The following MACROD2 variants were observed in gnomAD, a reference collection of about 807,000 sequenced individuals.
MACROD2 encodes ADP-ribose glycohydrolase MACROD2.
Under a neutral mutation model 70.4 loss-of-function variants are expected in MACROD2, and 36 were observed. That is an observed-to-expected ratio of 0.51 (90% CI 0.39 to 0.68). MACROD2 has a LOEUF of 0.68. MACROD2 is among the 30% of genes least tolerant of loss of function. The pLI is 0.00. For synonymous variants in MACROD2, 172 were observed against 178.8 expected (o/e 0.96, Z 0.30); for missense variants, 496 against 538.4 (o/e 0.92, Z 0.78).
chr20:15,912,318 T>G (rs1375080366), intron 10 of MACROD2, among the ~76,000 whole-genome samples: 5 of 152,212 alleles, frequency 3.3e-5, no homozygotes, highest in Non-Finnish European at 7.3e-5. Context: ...CCCATTAAAT[T>G]AGGAAACGTT....
At chr20:14,470,771 C>T (rs1054872077) in intron 3 of MACROD2, among the ~76,000 whole-genome samples, 2 of 152,128 alleles carry the variant, frequency 1.3e-5, no homozygotes, top group Non-Finnish European at 2.9e-5. Context: ...GACGCCCCTT[C>T]CCCCACCAAG....
intron 5 of MACROD2, among the ~76,000 whole-genome samples, chr20:15,080,032 C>A (rs1324568050): frequency 6.6e-6 from 1 of 151,744 alleles, no homozygotes; most frequent in Non-Finnish European, 1.5e-5. Flanking sequence ...CTGGCCCTCA[C>A]TCACTTGATG....
chr20:14,806,778 G>T (rs1043764465), intron 5 of MACROD2, among the ~76,000 whole-genome samples: 1 of 152,084 alleles, frequency 6.6e-6, no homozygotes, highest in African/African-American at 2.4e-5. Flanking sequence ...CATTACTGAG[G>T]CTTGAGTAGG....
chr20:15,563,913 A>T (rs892971374), intron 8 of MACROD2, among the ~76,000 whole-genome samples: 3 of 152,170 alleles, frequency 2.0e-5, no homozygotes, highest in African/African-American at 7.2e-5. Flanking sequence ...GGAACAAAGG[A>T]TAGCATTTTT....
rs73099281 is a variant in MACROD2 at position 15,864,368 on chromosome 20, C to A, written c.727+1542C>A. The stretch of plus-strand genomic sequence containing the variant: ...ATGTGACTTGCCATGATGTGTGAAG[C>A]AAATATTCTCATGTCTTGTCAGTAT... On this transcript the variant is annotated intron_variant, in intron 9 of 17. Transcript: ENST00000684519. Among the ~76,000 whole-genome samples, 1,510 of 152,130 alleles carry A rather than the reference C, an allele frequency of 9.9e-3. 12 individuals are homozygous for A. Among genetic ancestry groups the A allele is most frequent in the Middle Eastern group, 0.024 (7 of 294 alleles).
At chr20:15,008,800 C>G (rs1389262468) in intron 5 of MACROD2, among the ~76,000 whole-genome samples, 2 of 152,034 alleles carry the variant, frequency 1.3e-5, no homozygotes. Flanking sequence ...TTTATTATCA[C>G]CTTATTAAAG....
At chr20:14,514,463 C>A (rs1458489150) in intron 4 of MACROD2, among the ~76,000 whole-genome samples, 1 of 152,074 alleles carries the variant, frequency 6.6e-6, no homozygotes, top group African/African-American at 2.4e-5. Context: ...GTCATCCTAG[C>A]CACAAGATCA....
chr20:13,995,695 C>G lies in MACROD2; in HGVS notation c.-69C>G, dbSNP rs374886421. Reference sequence around the variant, plus strand: ...AGTGCCCCCTCCCACCCCTCCCACTCCACACACACCCTGTTTGCCCGTGAG... The same window carrying G: ...AGTGCCCCCTCCCACCCCTCCCACTGCACACACACCCTGTTTGCCCGTGAG... On this transcript the variant is annotated 5_prime_UTR_variant, in exon 1 of 18. Transcript: ENST00000684519. The surrounding 1 kb of genome is among the most constrained non-coding windows in gnomAD (Gnocchi z 4.3). 5.2e-6 allele frequency: 5 copies of G among 956,956 alleles called. No homozygotes were observed. In the Admixed American group the frequency reaches 7.3e-5, roughly 14 times the overall value. The allele number at this position is 956,956 out of a possible 1,614,324, so 59.3% of individuals were successfully genotyped here.
chr20:15,318,523 A>G (rs1393162012), intron 6 of MACROD2, among the ~76,000 whole-genome samples: 1 of 152,152 alleles, frequency 6.6e-6, no homozygotes, highest in East Asian at 1.9e-4. Context: ...ACTAGAAATA[A>G]GAAAATTATG....
intron 4 of MACROD2, among the ~76,000 whole-genome samples, chr20:14,619,599 A>T: frequency 6.6e-6 from 1 of 151,916 alleles, no homozygotes; most frequent in Admixed American, 6.6e-5. Flanking sequence ...GAGTATAGAG[A>T]TAACTAGGCA....
At chr20:15,636,071 C>CAAAAAAAAAAAT (rs1178846767) in intron 8 of MACROD2, among the ~76,000 whole-genome samples, 1 of 27,970 alleles carries the variant, frequency 3.6e-5, no homozygotes, top group Admixed American at 4.2e-4. Flanking sequence ...GGCTCCCTCT[C>CAAAAAAAAAAAT]AAAAGAAAAA....
intron 8 of MACROD2, among the ~76,000 whole-genome samples, chr20:15,635,041 A>G (rs2049343270): frequency 6.6e-6 from 1 of 152,158 alleles, no homozygotes; most frequent in Non-Finnish European, 1.5e-5. Context: ...TGCAGCAGCT[A>G]TAGTTTTATG....
intron 5 of MACROD2, among the ~76,000 whole-genome samples, chr20:14,876,379 A>G (rs999650543): frequency 6.6e-6 from 1 of 152,074 alleles, no homozygotes; most frequent in African/African-American, 2.4e-5. Context: ...TTTTTGTTTA[A>G]TGCATACTTT....
intron 5 of MACROD2, chr20:14,894,756 A>G (rs961817581): frequency 4.6e-5 from 7 of 152,202 alleles, no homozygotes; most frequent in Non-Finnish European, 1.0e-4. Context: ...ATTAATTCAT[A>G]TTAACATTTT....
At chr20:14,869,284 C>A (rs1338103901) in intron 5 of MACROD2, among the ~76,000 whole-genome samples, 1 of 152,216 alleles carries the variant, frequency 6.6e-6, no homozygotes, top group Non-Finnish European at 1.5e-5. Context: ...GAAGAACATT[C>A]TTTTGTATCC....
At chr20:15,502,875 G>A (rs1030428712) in intron 8 of MACROD2, among the ~76,000 whole-genome samples, 9 of 152,168 alleles carry the variant, frequency 5.9e-5, no homozygotes, top group South Asian at 2.1e-4. Context: ...TTACAAATCC[G>A]GGCTGACAGA....
chr20:15,606,064 T>G (rs190015481), intron 8 of MACROD2, among the ~76,000 whole-genome samples: 1 of 152,320 alleles, frequency 6.6e-6, no homozygotes, highest in East Asian at 1.9e-4. Flanking sequence ...GTTTGGATTT[T>G]TATAATGTCT....
chr20:14,489,462 G>T (rs755096261), intron 3 of MACROD2, among the ~76,000 whole-genome samples: 2 of 152,154 alleles, frequency 1.3e-5, no homozygotes, highest in Non-Finnish European at 2.9e-5. Flanking sequence ...TATAATGTAT[G>T]CCATTCTGAA....
At chr20:15,410,676 G>C (rs763828800) in intron 6 of MACROD2, among the ~76,000 whole-genome samples, 32 of 147,158 alleles carry the variant, frequency 2.2e-4, no homozygotes, top group Admixed American at 1.1e-3. Flanking sequence ...CACACACAAA[G>C]CATCAATGAG....
Sources: allele counts gnomAD v4.1 joint callset (sites outside exome capture counted in the v4.1 genomes callset), GRCh38; gene constraint gnomAD v4.1.1; non-coding constraint Gnocchi (gnomAD v3.1); transcripts MANE v1.5; gene names NCBI Gene and HGNC (gene_info 2026-07-23, HGNC 2026-07-21).